The following IPO11 variants were observed in gnomAD, a reference collection of about 807,000 sequenced individuals.
IPO11 encodes importin 11, also known as importin-11.
IPO11 carries 66 observed loss-of-function variants against 143.2 expected under a neutral mutation model. That is an observed-to-expected ratio of 0.46 (90% CI 0.38 to 0.57). The LOEUF (loss-of-function observed/expected upper bound fraction) is 0.57, where lower values mean the gene tolerates loss of function less well. Among genes scored for constraint, IPO11 ranks in the 20% least tolerant of loss-of-function variants. The pLI is 0.00. For synonymous variants in IPO11, 385 were observed against 377.8 expected (o/e 1.02, Z -0.22); for missense variants, 1,026 against 1,141.0 (o/e 0.90, Z 1.45).
chr5:62,557,245 G>A (rs767322441), intron 26 of IPO11, among the ~76,000 whole-genome samples: 2 of 151,884 alleles, frequency 1.3e-5, no homozygotes, highest in Admixed American at 6.6e-5. Flanking sequence ...GTGCAATGGC[G>A]CGATCTCAGC....
intron 3 of IPO11, among the ~76,000 whole-genome samples, chr5:62,446,689 C>T (rs1209145186): frequency 6.6e-6 from 1 of 152,134 alleles, no homozygotes; most frequent in Non-Finnish European, 1.5e-5. Flanking sequence ...TTCTCCTAGG[C>T]CAGGTGCAGT....
chr5:62,602,327 CA>C (rs199991866), intron 29 of IPO11, among the ~76,000 whole-genome samples: 41 of 147,814 alleles, frequency 2.8e-4, no homozygotes, highest in African/African-American at 9.0e-4. Flanking sequence ...GGGAAAAGAA[CA>C]AAAAAAAAGG....
chr5:62,565,035 A>G (rs1743886858), intron 27 of IPO11, among the ~76,000 whole-genome samples: 1 of 152,232 alleles, frequency 6.6e-6, no homozygotes, highest in Non-Finnish European at 1.5e-5. Context: ...CAAACTGTCT[A>G]CATAGATGGA....
chr5:62,505,978 C>T (rs1741542887), intron 18 of IPO11, among the ~76,000 whole-genome samples: 1 of 152,038 alleles, frequency 6.6e-6, no homozygotes, highest in Non-Finnish European at 1.5e-5. Context: ...GACAATATTC[C>T]TCTAAACATT....
intron 9 of IPO11, among the ~76,000 whole-genome samples, chr5:62,477,684 C>A (rs767799570): frequency 6.6e-6 from 1 of 152,186 alleles, no homozygotes; most frequent in Non-Finnish European, 1.5e-5. Flanking sequence ...TGCGGCTCTG[C>A]TGCCTCACAG....
intron 27 of IPO11, among the ~76,000 whole-genome samples, chr5:62,565,898 C>T (rs1055007722): frequency 7.2e-5 from 11 of 151,912 alleles, no homozygotes; most frequent in Admixed American, 3.9e-4. Flanking sequence ...TCTGTTCCTG[C>T]GTTAATTGCT....
chr5:62,467,313 A>G, intron 6 of IPO11, 50 bp downstream of exon 6: 5 of 1,557,274 alleles, frequency 3.2e-6, no homozygotes, highest in Non-Finnish European at 4.3e-6. Context: ...ACCTCAGAAC[A>G]GTCACCAAAT....
chr5:62,555,129 A>C (rs1743527942), intron 26 of IPO11, among the ~76,000 whole-genome samples: 1 of 151,528 alleles, frequency 6.6e-6, no homozygotes, highest in Non-Finnish European at 1.5e-5. Flanking sequence ...TTTTTTTTCT[A>C]TCTCTTTGAA....
At position 62,504,629 on chromosome 5, in the gene IPO11, C is replaced by T. The variant is rs776458996; in HGVS notation, c.1591-38C>T. On this transcript the variant is annotated intron_variant, in intron 16 of 29. Coordinates refer to ENST00000325324, the MANE Select transcript of IPO11 (RefSeq NM_016338.5). The stretch of plus-strand genomic sequence containing the variant: ...TTGATATTAATGATGTTTAGTCATT[C>T]TAAAATAATTAAAAACTAATGATAT... The T allele has an allele frequency of 3.2e-6, 4 of 1,248,748 alleles. No individual in the cohort carries two copies. The Admixed American group carries it at 9.2e-5, about 29-fold the overall frequency. The allele number at this position is 1,248,748 out of a possible 1,614,324, so 77.4% of individuals were successfully genotyped here.
chr5:62,537,119 G>C (rs1742761170), intron 23 of IPO11, 90 bp from the exon 24 acceptor site: 1 of 771,686 alleles, frequency 1.3e-6, no homozygotes, highest in Admixed American at 2.2e-5. Flanking sequence ...TAATTCTCAA[G>C]TATATTATAA....
intron 29 of IPO11, among the ~76,000 whole-genome samples, chr5:62,621,179 CTA>C: frequency 6.6e-6 from 1 of 152,138 alleles, no homozygotes; most frequent in African/African-American, 2.4e-5. Flanking sequence ...AGAAGAGAGT[CTA>C]TGTAAGTTTT....
intron 6 of IPO11, among the ~76,000 whole-genome samples, chr5:62,469,869 T>C (rs560690010): frequency 6.6e-6 from 1 of 152,328 alleles, no homozygotes; most frequent in South Asian, 2.1e-4. Context: ...TTTCCATTAA[T>C]ATAGCCGAAA....
intron 27 of IPO11, among the ~76,000 whole-genome samples, chr5:62,578,036 A>G (rs984382059): frequency 2.6e-5 from 4 of 152,086 alleles, no homozygotes; most frequent in South Asian, 4.1e-4. Flanking sequence ...AAAATTCTCC[A>G]TTTTTGTTCT....
At chr5:62,508,438 G>A (rs1741633398) in intron 19 of IPO11, among the ~76,000 whole-genome samples, 1 of 151,508 alleles carries the variant, frequency 6.6e-6, no homozygotes, top group African/African-American at 2.4e-5. Context: ...GAGAACCACC[G>A]CAGCTGGCCA....
At chr5:62,493,917 AT>A (rs1433604310) in intron 15 of IPO11, 80 bp from the exon 16 acceptor site, 1 of 1,264,508 alleles carries the variant, frequency 7.9e-7, no homozygotes, top group African/African-American at 1.5e-5. Context: ...TACATTTTAG[AT>A]TTAAATGATA....
chr5:62,523,938 A>G (rs947646872), intron 20 of IPO11, among the ~76,000 whole-genome samples: 1 of 152,108 alleles, frequency 6.6e-6, no homozygotes, highest in African/African-American at 2.4e-5. Context: ...GGAAAAAATT[A>G]TAGATTCACA....
At chr5:62,547,461 A>G (rs1468415551) in intron 24 of IPO11, among the ~76,000 whole-genome samples, 1 of 152,118 alleles carries the variant, frequency 6.6e-6, no homozygotes, top group African/African-American at 2.4e-5. Context: ...CCTTTGGTCC[A>G]CTGTTCAGCT....
At chr5:62,545,130 T>C (rs564001291) in intron 24 of IPO11, among the ~76,000 whole-genome samples, 109 of 152,168 alleles carry the variant, frequency 7.2e-4, no homozygotes, top group Non-Finnish European at 1.2e-3. Flanking sequence ...AAAAAGAGCC[T>C]GCATTGCCAA....
chr5:62,538,556 TGAA>T (rs1317352850), intron 24 of IPO11, among the ~76,000 whole-genome samples: 5 of 152,202 alleles, frequency 3.3e-5, no homozygotes, highest in African/African-American at 1.2e-4. Flanking sequence ...TGCTGCCCTG[TGAA>T]GAAGATGCCT....
Sources: allele counts gnomAD v4.1 joint callset (sites outside exome capture counted in the v4.1 genomes callset), GRCh38; gene constraint gnomAD v4.1.1; transcripts MANE v1.5; gene names NCBI Gene and HGNC (gene_info 2026-07-23, HGNC 2026-07-21).